Variants in PLA2R1 observed in about 807,000 individuals in gnomAD.
The protein encoded by PLA2R1 is phospholipase A2 receptor 1, also known as secretory phospholipase A2 receptor.
Under a neutral mutation model 195.9 loss-of-function variants are expected in PLA2R1, and 158 were observed. The observed-to-expected ratio is 0.81, with a 90% confidence interval of 0.71 to 0.92. PLA2R1 has a LOEUF of 0.92. Ranked by LOEUF, PLA2R1 falls within the 40% of genes least tolerant of loss-of-function variation. The pLI, the probability that PLA2R1 is intolerant of heterozygous loss-of-function variation, is 0.00. For synonymous variants in PLA2R1, 586 were observed against 598.2 expected, an observed-to-expected ratio of 0.98 and a Z score of 0.30; for missense variants, 1,626 against 1,764.6, an observed-to-expected ratio of 0.92 and a Z score of 1.41.
At chr2:160,002,947 A>G (rs1691703126) in intron 11 of PLA2R1, among the ~76,000 whole-genome samples, 1 of 152,048 alleles carries the variant, frequency 6.6e-6, no homozygotes. Flanking sequence ...TAGAAATTAT[A>G]TTCTTGTATT....
chr2:160,040,488 G>C (rs1302738769), intron 3 of PLA2R1, among the ~76,000 whole-genome samples: 1 of 152,154 alleles, frequency 6.6e-6, no homozygotes, highest in Non-Finnish European at 1.5e-5. Flanking sequence ...GCTTGATGAT[G>C]AATTATCTGC....
rs1413164408 is a variant in PLA2R1 at position 159,955,314 on chromosome 2, TTTCTGAAC to T, written c.3178_3185del (p.Val1060ThrfsTer11). ...AGAGTAAGGCACAGAGAGGAATGTGTTTCTGAACTTCAGTGGTATTGTGACTTGGAATC... is the reference window on the plus strand; with the variant it reads ...AGAGTAAGGCACAGAGAGGAATGTGTTTCAGTGGTATTGTGACTTGGAATC... On this transcript the variant is annotated frameshift_variant, in exon 23 of 30. Transcript: ENST00000283243. LOFTEE classifies it high-confidence loss of function. 1.2e-6 allele frequency: 2 copies of T among 1,603,138 alleles called. No homozygotes were observed. Among genetic ancestry groups the T allele is most frequent in the Non-Finnish European group, 1.7e-6 (2 of 1,171,414 alleles).
chr2:159,988,652 C>T (rs928655871), intron 11 of PLA2R1, among the ~76,000 whole-genome samples: 6 of 152,158 alleles, frequency 3.9e-5, no homozygotes, highest in Non-Finnish European at 7.3e-5. Context: ...TGACGACTTG[C>T]GATGATTCTG....
intron 20 of PLA2R1, among the ~76,000 whole-genome samples, chr2:159,964,703 T>G (rs936010744): frequency 6.6e-6 from 1 of 151,494 alleles, no homozygotes; most frequent in African/African-American, 2.4e-5. Flanking sequence ...TGGCAACCCT[T>G]TTTTTTAAAA....
intron 14 of PLA2R1, among the ~76,000 whole-genome samples, chr2:159,978,218 G>C (rs1689706464): frequency 6.6e-6 from 1 of 152,058 alleles, no homozygotes; most frequent in Non-Finnish European, 1.5e-5. Context: ...CTTTCCATGA[G>C]TGACCACATA....
At chr2:160,056,166 T>C (rs1695522884) in intron 1 of PLA2R1, among the ~76,000 whole-genome samples, 1 of 151,652 alleles carries the variant, frequency 6.6e-6, no homozygotes, top group South Asian at 2.1e-4. Flanking sequence ...CTGAATGTGT[T>C]ATGACCAGCG....
rs1270689465 is a variant in PLA2R1, at chr2:159,936,648, G to A, written c.*5130C>T. 6.6e-6 allele frequency: 1 copy of A among 152,104 alleles called. No individual in the cohort carries two copies. The highest frequency in any genetic ancestry group is 6.6e-5 in the Admixed American group (1 of 15,258). The allele number at this position is 152,104 out of a possible 1,614,324, so 9.4% of individuals were successfully genotyped here. On this transcript the variant is annotated 3_prime_UTR_variant, in exon 30 of 30. Coordinates refer to ENST00000283243, the MANE Select transcript of PLA2R1 (RefSeq NM_007366.5). ...CTGGATTTCCTTTCAGTTAGGTTAG[G>A]TCATGTGACTAGTTCCAGCCAATGA...
At chr2:160,048,180 G>A (rs1327725566) in intron 1 of PLA2R1, among the ~76,000 whole-genome samples, 3 of 152,232 alleles carry the variant, frequency 2.0e-5, no homozygotes, top group Non-Finnish European at 4.4e-5. Flanking sequence ...GAGAAAAAGA[G>A]TGGCAGAAAT....
chr2:160,044,403 G>A (rs1694735832), intron 2 of PLA2R1, among the ~76,000 whole-genome samples: 3 of 152,144 alleles, frequency 2.0e-5, no homozygotes, highest in Admixed American at 2.0e-4. Flanking sequence ...CAGGGGAGGA[G>A]AGATTATTAT....
intron 20 of PLA2R1, among the ~76,000 whole-genome samples, chr2:159,958,707 A>T (rs144567922): frequency 1.1e-3 from 175 of 152,290 alleles, no homozygotes; most frequent in African/African-American, 4.0e-3. Context: ...CAACAGGACA[A>T]TTTTGCCCCT....
intron 19 of PLA2R1, among the ~76,000 whole-genome samples, chr2:159,968,923 T>A (rs1688958961): frequency 6.6e-6 from 1 of 152,206 alleles, no homozygotes; most frequent in Admixed American, 6.5e-5. Context: ...TAGGAATAGA[T>A]TTTTTTAAAA....
At chr2:160,015,335 C>T (rs969252032) in intron 9 of PLA2R1, among the ~76,000 whole-genome samples, 1 of 152,158 alleles carries the variant, frequency 6.6e-6, no homozygotes, top group Non-Finnish European at 1.5e-5. Flanking sequence ...TAGAGAATTG[C>T]ATTGAAGCAA....
Position 159,944,937 on chromosome 2 carries a change from T to C in PLA2R1, c.4113A>G (p.Glu1371=). The stretch of plus-strand genomic sequence containing the variant: ...CCATTTTACATATAAAGCCTTTTTT[T>C]TCTTGACACGGGGATAGCTGCCATA... ...EGLWQLSPCQ[E]KKGFICKMEA... Residue 1371 remains glutamate, a synonymous_variant, in exon 28 of 30, where the codon GAA becomes GAG. Transcript: ENST00000283243. 1.2e-6 allele frequency: 2 copies of C among 1,613,366 alleles called. No homozygotes were observed. The highest frequency in any genetic ancestry group is 1.7e-5 in the Admixed American group (1 of 59,994).
intron 3 of PLA2R1, among the ~76,000 whole-genome samples, chr2:160,036,707 C>T (rs904531291): frequency 6.6e-6 from 1 of 152,192 alleles, no homozygotes; most frequent in African/African-American, 2.4e-5. Flanking sequence ...TTTTTCCCCA[C>T]CCTGACTCAG....
chr2:159,926,298 A>T, the PLA2R1 span, among the ~76,000 whole-genome samples: 1 of 152,234 alleles, frequency 6.6e-6, no homozygotes, highest in Non-Finnish European at 1.5e-5. Context: ...TGTGTTTTGG[A>T]AAGGCGATAA....
In PLA2R1 at chr2:159,947,499, A is replaced by C; in HGVS notation, c.3770T>G (p.Phe1257Cys). 2 of 1,613,322 alleles carry C rather than the reference A, an allele frequency of 1.2e-6. No homozygotes were observed. The highest frequency in any genetic ancestry group is 1.7e-6 in the Non-Finnish European group (2 of 1,179,376). Reference sequence around the variant, plus strand: ...AGAAAAACTGTAGCAATTACTTTTAAATTTTATCCAGGGAATAGATGTTTC... The same window carrying C: ...AGAAAAACTGTAGCAATTACTTTTACATTTTATCCAGGGAATAGATGTTTC... ...CSETSIPWIKFKSNCYSFSTV... is the reference protein window; with the variant it reads ...CSETSIPWIKCKSNCYSFSTV... The change falls in exon 26 of 30, where the codon TTT becomes TGT. Residue 1257 changes from phenylalanine (F) to cysteine (C), a missense_variant. By Grantham distance (205) the Phe-to-Cys change is radical. Coordinates refer to ENST00000283243, the MANE Select transcript of PLA2R1 (RefSeq NM_007366.5).
At chr2:159,971,500 A>G (rs1560162100) in intron 17 of PLA2R1, among the ~76,000 whole-genome samples, 4 of 85,680 alleles carry the variant, frequency 4.7e-5, no homozygotes, top group Non-Finnish European at 1.4e-4. Flanking sequence ...ACACACACAC[A>G]CACATTAGGG....
chr2:159,945,719 T>C (rs1687346357), intron 27 of PLA2R1: 1 of 870,386 alleles, frequency 1.1e-6, no homozygotes, highest in South Asian at 5.3e-5. Context: ...TACCCAGTAA[T>C]GGGATGGCAG....
rs1560171925 is a variant in PLA2R1 at position 159,979,923 on chromosome 2, A to C, written c.2184-9T>G. ...ACTGCCTTTCTTCTGTCCTGTAAAG[A>C]GAAGAAACAAAAGCTTTGCCTTTCC... On this transcript the variant is annotated splice_polypyrimidine_tract_variant and intron_variant, in intron 13 of 29. Transcript: ENST00000283243. 6.5e-7 allele frequency: 1 copy of C among 1,535,800 alleles called. No homozygotes were observed. Among genetic ancestry groups the C allele is most frequent in the Non-Finnish European group, 9.0e-7 (1 of 1,115,984 alleles).
Sources: gnomAD v4.1 joint callset for allele counts (sites outside exome capture counted in the v4.1 genomes callset) on GRCh38, gnomAD v4.1.1 for gene constraint, MANE v1.5 for transcripts, NCBI Gene and HGNC (gene_info 2026-07-23, HGNC 2026-07-21) for gene names.